The following BNC2 variants were observed in gnomAD, a reference collection of about 807,000 sequenced individuals.
The protein encoded by BNC2 is basonuclin zinc finger protein 2, also known as zinc finger protein basonuclin-2.
A neutral mutation model predicts 76.3 loss-of-function variants in BNC2; 20 were observed. The ratio of observed to expected loss-of-function variants is 0.26; its 90% confidence interval spans 0.18 to 0.38. BNC2 has a LOEUF of 0.38. Ranked by LOEUF, BNC2 falls within the 10% of genes least tolerant of loss-of-function variation. The pLI is 1.00. For synonymous variants in BNC2, 582 were observed against 514.8 expected (o/e 1.13, Z -1.77); for missense variants, 1,382 against 1,399.8 (o/e 0.99, Z 0.20).
At position 16,770,016 on chromosome 9, in the gene BNC2, C is replaced by T. The variant is rs1217358520; in HGVS notation, c.4-31531G>A. On this transcript the variant is annotated intron_variant, in intron 1 of 6. Coordinates refer to ENST00000380672, the MANE Select transcript of BNC2 (RefSeq NM_017637.6). ...AGCTGTATACCTAACCTACAGCCTA[C>T]GGTTTTGCTCAATGAATTACTTGAC... Among the ~76,000 whole-genome samples, 7 of 152,236 alleles carry T rather than the reference C, an allele frequency of 4.6e-5. 1 individual carries two copies. The Middle Eastern group carries it at 0.02, about 444-fold the overall frequency.
chr9:16,782,214 G>A (rs1003923206), intron 1 of BNC2, among the ~76,000 whole-genome samples: 1 of 151,994 alleles, frequency 6.6e-6, no homozygotes, highest in African/African-American at 2.4e-5. Context: ...GGACCCAGGA[G>A]GCAGAGGTTT....
chr9:16,724,055 CTTAG>C (rs1366781547), intron 3 of BNC2, among the ~76,000 whole-genome samples: 2 of 151,876 alleles, frequency 1.3e-5, no homozygotes, highest in Non-Finnish European at 2.9e-5. Flanking sequence ...ATAATCCTAA[CTTAG>C]TATTTCACTC....
intron 5 of BNC2, among the ~76,000 whole-genome samples, chr9:16,472,635 C>A (rs1172422883): frequency 6.6e-6 from 1 of 152,174 alleles, no homozygotes; most frequent in South Asian, 2.1e-4. Flanking sequence ...CAAGAATGGT[C>A]CACTTCTTAT....
intron 1 of BNC2, among the ~76,000 whole-genome samples, chr9:16,836,468 CTA>C (rs1818709620): frequency 6.6e-6 from 1 of 151,100 alleles, no homozygotes; most frequent in Non-Finnish European, 1.5e-5. Context: ...GAAGAAACCT[CTA>C]GTTTGTCTTG....
chr9:16,568,259 G>A (rs1028798704), intron 4 of BNC2, among the ~76,000 whole-genome samples: 6 of 152,044 alleles, frequency 3.9e-5, no homozygotes, highest in Admixed American at 3.3e-4. Flanking sequence ...CTCTTTCCAC[G>A]ATTACTTTAA....
intron 3 of BNC2, among the ~76,000 whole-genome samples, chr9:16,642,136 A>G (rs1231069774): frequency 6.6e-6 from 1 of 152,204 alleles, no homozygotes; most frequent in Non-Finnish European, 1.5e-5. Context: ...TACCTTGCCA[A>G]CATGCTCCTT....
rs914237439 is a variant in BNC2 at position 16,655,406 on chromosome 9, G to A, written c.331-72321C>T. On this transcript the variant is annotated intron_variant, in intron 3 of 6. Transcript: ENST00000380672. ...TACACACCTGCAGGCCGCATCTGCCGACAGTATGAGACTCAGGTAACTATC... is the reference window on the plus strand; with the variant it reads ...TACACACCTGCAGGCCGCATCTGCCAACAGTATGAGACTCAGGTAACTATC... Among the ~76,000 whole-genome samples the A allele has an allele frequency of 7.6e-4, 116 of 152,152 alleles. 1 individual carries two copies. Among genetic ancestry groups the A allele is most frequent in the African/African-American group, 2.2e-3 (91 of 41,502 alleles).
intron 5 of BNC2, among the ~76,000 whole-genome samples, chr9:16,477,291 C>T (rs1241206032): frequency 6.6e-6 from 1 of 152,004 alleles, no homozygotes; most frequent in African/African-American, 2.4e-5. Flanking sequence ...TATCATGCAG[C>T]TTCGGAATAC....
rs1563955420 is a variant in BNC2 at position 16,813,647 on chromosome 9, A to G, written c.3+56999T>C. On this transcript the variant is annotated intron_variant, in intron 1 of 6. Transcript: ENST00000380672. ...GAATGGAAAGAGGGGATGAATAATCATAACTACAAAGCTTCTAGCTGCAAT... is the reference window on the plus strand; with the variant it reads ...GAATGGAAAGAGGGGATGAATAATCGTAACTACAAAGCTTCTAGCTGCAAT... 2.0e-5 allele frequency among the ~76,000 whole-genome samples: 3 copies of G among 152,334 alleles called. No homozygotes were observed. In the South Asian group the frequency reaches 6.2e-4, roughly 32 times the overall value.
chr9:16,785,956 T>G (rs1288768327), intron 1 of BNC2, among the ~76,000 whole-genome samples: 1 of 152,136 alleles, frequency 6.6e-6, no homozygotes, highest in East Asian at 1.9e-4. Context: ...GAACTGGAGC[T>G]TGCTGGTCCT....
chr9:16,827,882 C>G (rs1818489834), intron 1 of BNC2, among the ~76,000 whole-genome samples: 1 of 152,170 alleles, frequency 6.6e-6, no homozygotes, highest in African/African-American at 2.4e-5. Flanking sequence ...TTGTTTGAAT[C>G]CATATGATAT....
At chr9:16,430,304 G>T (rs1265948339) in intron 6 of BNC2, among the ~76,000 whole-genome samples, 6 of 152,142 alleles carry the variant, frequency 3.9e-5, no homozygotes, top group African/African-American at 1.2e-4. Context: ...GCAATGAAAT[G>T]AAACAGCTAA....
intron 1 of BNC2, among the ~76,000 whole-genome samples, chr9:16,790,978 A>G (rs560103741): frequency 1.0e-3 from 159 of 152,234 alleles, no homozygotes; most frequent in African/African-American, 3.7e-3. Context: ...GGGAGACAAG[A>G]AGGCAACACG....
chr9:16,727,974 C>T lies in BNC2; in HGVS notation c.153G>A (p.Val51=). ...TGTCTCTCTGTGTCTCTCTTTCTCT[C>T]ACATCCACTTCTGCCTCTTCTGACT... is the stretch of plus-strand genomic sequence containing the variant. ...QIESEEAEVD[V]RERETQRDRE... Residue 51 remains valine, a synonymous_variant, in exon 3 of 7, where the codon GTG becomes GTA. Coordinates refer to ENST00000380672, the MANE Select transcript of BNC2 (RefSeq NM_017637.6). 6.2e-7 allele frequency: 1 copy of T among 1,613,952 alleles called. No individual in the cohort carries two copies. Among genetic ancestry groups the T allele is most frequent in the East Asian group, 2.2e-5 (1 of 44,842 alleles).
chr9:16,746,682 CA>C (rs1490140380), intron 1 of BNC2, among the ~76,000 whole-genome samples: 1 of 150,952 alleles, frequency 6.6e-6, no homozygotes, highest in Non-Finnish European at 1.5e-5. Flanking sequence ...AAAATTCGGC[CA>C]GGGGCAGTGT....
At chr9:16,653,660 C>A (rs1272832698) in intron 3 of BNC2, among the ~76,000 whole-genome samples, 1 of 152,126 alleles carries the variant, frequency 6.6e-6, no homozygotes, top group Non-Finnish European at 1.5e-5. Flanking sequence ...GCATATCTTG[C>A]CTAGGCTGCT....
chr9:16,805,503 T>C lies in BNC2; in HGVS notation c.3+65143A>G, dbSNP rs535365659. Among the ~76,000 whole-genome samples the C allele has an allele frequency of 1.1e-4, 16 of 152,196 alleles. No homozygotes were observed. The South Asian group carries it at 3.3e-3, about 32-fold the overall frequency. ...CACCACAGCCTGGCTAATTTTTGTA[T>C]TTTTAGTACAGACGGGGTTTCATCA... On this transcript the variant is annotated intron_variant, in intron 1 of 6. Coordinates refer to ENST00000380672, the MANE Select transcript of BNC2 (RefSeq NM_017637.6).
chr9:16,557,538 T>A (rs181377691), intron 4 of BNC2, among the ~76,000 whole-genome samples: 1 of 151,784 alleles, frequency 6.6e-6, no homozygotes, highest in East Asian at 1.9e-4. Context: ...CCAAATGCAA[T>A]CTAACCAGAA....
intron 1 of BNC2, among the ~76,000 whole-genome samples, chr9:16,774,181 C>G (rs1161736476): frequency 6.6e-6 from 1 of 152,058 alleles, no homozygotes; most frequent in African/African-American, 2.4e-5. Context: ...AGGGTTTCAC[C>G]ATATTGGCCA....
Sources: gnomAD v4.1 joint callset for allele counts (sites outside exome capture counted in the v4.1 genomes callset) on GRCh38, gnomAD v4.1.1 for gene constraint, MANE v1.5 for transcripts, NCBI Gene and HGNC (gene_info 2026-07-23, HGNC 2026-07-21) for gene names.